The following MAF variants were observed in gnomAD, a reference collection of about 807,000 sequenced individuals.
MAF encodes transcription factor Maf.
In MAF, 10 loss-of-function variants were observed where a neutral mutation model predicts 22.0. That is an observed-to-expected ratio of 0.45 (90% CI 0.28 to 0.77). The LOEUF is 0.77. Ranked by LOEUF, MAF falls within the 30% of genes least tolerant of loss-of-function variation. The pLI is 0.12. For synonymous variants in MAF, 337 were observed against 255.8 expected, an observed-to-expected ratio of 1.32 and a Z score of -3.03; for missense variants, 544 against 548.4, an observed-to-expected ratio of 0.99 and a Z score of 0.08.
the MAF span, among the ~76,000 whole-genome samples, chr16:79,222,592 A>G: frequency 1.3e-5 from 2 of 152,206 alleles, no homozygotes; most frequent in Non-Finnish European, 1.5e-5. Flanking sequence ...CAAATTAGAT[A>G]AAGAGTCAAG....
the MAF span, among the ~76,000 whole-genome samples, chr16:79,417,285 C>G: frequency 5.3e-5 from 8 of 152,106 alleles, no homozygotes; most frequent in African/African-American, 1.7e-4. Flanking sequence ...CGACATAAAC[C>G]TTTTATAGAA....
the MAF span, among the ~76,000 whole-genome samples, chr16:79,354,552 A>T: frequency 1.3e-5 from 2 of 152,274 alleles, no homozygotes; most frequent in Admixed American, 1.3e-4. Flanking sequence ...GACTCAAGAG[A>T]GAAGTAGAGA....
chr16:79,372,028 G>A, the MAF span, among the ~76,000 whole-genome samples: 1 of 125,358 alleles, frequency 8.0e-6, no homozygotes, highest in African/African-American at 2.5e-5. Flanking sequence ...CACTGGACAT[G>A]GTAAAGTTTC....
chr16:79,211,463 C>T, the MAF span: 1 of 999,348 alleles, frequency 1.0e-6, no homozygotes, highest in Non-Finnish European at 1.5e-6. Context: ...CATGTGCTTT[C>T]AGCCCAGTAC....
At chr16:79,353,035 TGATA>T in the MAF span, among the ~76,000 whole-genome samples, 2 of 151,848 alleles carry the variant, frequency 1.3e-5, no homozygotes, top group African/African-American at 2.4e-5. Flanking sequence ...AGAGACACAG[TGATA>T]GATAGAGATG....
the MAF span, among the ~76,000 whole-genome samples, chr16:79,494,029 T>C: frequency 8.0e-4 from 122 of 151,982 alleles, 1 homozygote; most frequent in Non-Finnish European, 1.5e-3. Flanking sequence ...TGACAGCAAA[T>C]GAGAAATCTC....
chr16:79,234,866 G>A, the MAF span, among the ~76,000 whole-genome samples: 5 of 152,066 alleles, frequency 3.3e-5, no homozygotes, highest in Non-Finnish European at 7.4e-5. Flanking sequence ...AGTGGGATAG[G>A]AGCAGACCCA....
At chr16:79,477,868 G>A in the MAF span, among the ~76,000 whole-genome samples, 2 of 151,844 alleles carry the variant, frequency 1.3e-5, no homozygotes, top group African/African-American at 2.4e-5. Context: ...GGGACTACAG[G>A]CGCGTGCCAC....
the MAF span, among the ~76,000 whole-genome samples, chr16:79,372,254 TG>T: frequency 1.3e-5 from 2 of 151,936 alleles, no homozygotes; most frequent in Non-Finnish European, 2.9e-5. Context: ...AGGGTGAGGA[TG>T]GGGGAACTTG....
the MAF span, among the ~76,000 whole-genome samples, chr16:79,553,196 C>T: frequency 2.0e-5 from 3 of 152,246 alleles, no homozygotes; most frequent in Non-Finnish European, 4.4e-5. Context: ...GCCTCGGCAA[C>T]AGCTCTGGGT....
At chr16:79,463,003 G>A in the MAF span, among the ~76,000 whole-genome samples, 1 of 152,174 alleles carries the variant, frequency 6.6e-6, no homozygotes, top group East Asian at 1.9e-4. Context: ...GGTGCTCAGA[G>A]AAGGCCCACT....
chr16:79,284,934 G>A, the MAF span, among the ~76,000 whole-genome samples: 10 of 152,148 alleles, frequency 6.6e-5, no homozygotes, highest in Admixed American at 1.3e-4. Context: ...GGATTTCCAC[G>A]AAGGCACGCG....
At chr16:79,390,573 C>T in the MAF span, among the ~76,000 whole-genome samples, 1 of 152,138 alleles carries the variant, frequency 6.6e-6, no homozygotes, top group Non-Finnish European at 1.5e-5. Context: ...GAACAGACTG[C>T]TCTGAAAACC....
the MAF span, among the ~76,000 whole-genome samples, chr16:79,507,765 G>A: frequency 1.3e-5 from 2 of 152,184 alleles, no homozygotes; most frequent in African/African-American, 2.4e-5. Flanking sequence ...GGGAAATCTC[G>A]TAAATGAACT....
chr16:79,342,794 G>A, the MAF span, among the ~76,000 whole-genome samples: 4 of 152,242 alleles, frequency 2.6e-5, no homozygotes, highest in East Asian at 5.8e-4. Context: ...AAAAAGCAAG[G>A]CCTAGAAAAG....
chr16:79,287,926 T>C, the MAF span, among the ~76,000 whole-genome samples: 5 of 152,176 alleles, frequency 3.3e-5, no homozygotes, highest in Non-Finnish European at 7.4e-5. Context: ...ACCCTCCTCA[T>C]CGTAGCTCCG....
At chr16:79,402,060 C>A in the MAF span, among the ~76,000 whole-genome samples, 1 of 152,148 alleles carries the variant, frequency 6.6e-6, no homozygotes, top group Admixed American at 6.5e-5. Context: ...ACTGTGGGAT[C>A]AGAAGAATGG....
chr16:79,423,103 C>T, the MAF span, among the ~76,000 whole-genome samples: 4 of 152,136 alleles, frequency 2.6e-5, no homozygotes, highest in African/African-American at 7.2e-5. Context: ...AAGTAAAATA[C>T]AGGGCGTTCA....
the MAF span, among the ~76,000 whole-genome samples, chr16:79,321,863 G>A: frequency 6.6e-6 from 1 of 151,906 alleles, no homozygotes; most frequent in Non-Finnish European, 1.5e-5. Context: ...CTGACAGGGT[G>A]TATGTGCTTT....
Sources: gnomAD v4.1 joint callset for allele counts (sites outside exome capture counted in the v4.1 genomes callset) on GRCh38, gnomAD v4.1.1 for gene constraint, MANE v1.5 for transcripts, NCBI Gene and HGNC (gene_info 2026-07-23, HGNC 2026-07-21) for gene names.